NDUFS4: variants seen among roughly 807,000 people sequenced by gnomAD.
NDUFS4 encodes NADH dehydrogenase [ubiquinone] iron-sulfur protein 4, mitochondrial.
NDUFS4 carries 28 observed loss-of-function variants against 24.3 expected under a neutral mutation model. That is an observed-to-expected ratio of 1.15 (90% CI 0.85 to 1.58). NDUFS4 has a LOEUF of 1.58. Ranked by LOEUF, NDUFS4 falls within the 40% of genes most tolerant of loss-of-function variation. NDUFS4 has a pLI of 0.00. For missense variants in NDUFS4, 223 were observed against 207.9 expected (o/e 1.07, Z -0.45); for synonymous variants, 93 against 69.7 (o/e 1.34, Z -1.67).
At chr5:53,678,552 G>A (rs1740551239) in intron 4 of NDUFS4, among the ~76,000 whole-genome samples, 1 of 152,026 alleles carries the variant, frequency 6.6e-6, no homozygotes, top group South Asian at 2.1e-4. Context: ...ACAACATATG[G>A]GACCATTATG....
intron 1 of NDUFS4, among the ~76,000 whole-genome samples, chr5:53,569,412 G>T (rs530138149): frequency 6.6e-6 from 1 of 152,218 alleles, no homozygotes; most frequent in Admixed American, 6.5e-5. Context: ...GGCAGGCAAG[G>T]TTACCTTTTT....
In NDUFS4 at chr5:53,566,518, GA is replaced by G. The variant is rs1749031830; in HGVS notation, c.98+5761del. 2.0e-5 allele frequency among the ~76,000 whole-genome samples: 3 copies of G among 152,220 alleles called. No homozygotes were observed. In the South Asian group the frequency reaches 6.2e-4, roughly 32 times the overall value. On this transcript the variant is annotated intron_variant, in intron 1 of 4. Transcript: ENST00000296684. ...TTGTTATCCTCATTTTTCAGATGAG[GA>G]AACAGGTACAGAAGTGAAATTACTG...
intron 1 of NDUFS4, among the ~76,000 whole-genome samples, chr5:53,601,033 C>T (rs1296858068): frequency 7.7e-6 from 1 of 130,420 alleles, no homozygotes; most frequent in Non-Finnish European, 1.6e-5. Flanking sequence ...GAGACGGAGT[C>T]TTGCTCTGTC....
chr5:53,609,285 G>A (rs1465019547), intron 2 of NDUFS4, among the ~76,000 whole-genome samples: 5 of 152,148 alleles, frequency 3.3e-5, no homozygotes, highest in Non-Finnish European at 5.9e-5. Flanking sequence ...CTTGGTCCAC[G>A]GGCTGCAGAG....
intron 3 of NDUFS4, among the ~76,000 whole-genome samples, chr5:53,648,115 A>G (rs914674833): frequency 6.6e-6 from 1 of 152,204 alleles, no homozygotes; most frequent in African/African-American, 2.4e-5. Flanking sequence ...TGCTTTATCA[A>G]ACCACCTAGG....
At chr5:53,660,844 G>T (rs1349440929) in intron 4 of NDUFS4, among the ~76,000 whole-genome samples, 1 of 152,108 alleles carries the variant, frequency 6.6e-6, no homozygotes, top group Non-Finnish European at 1.5e-5. Flanking sequence ...TGTTGATGAG[G>T]TTCTTTGTTT....
intron 2 of NDUFS4, among the ~76,000 whole-genome samples, chr5:53,632,436 T>C (rs1751436201): frequency 6.6e-6 from 1 of 152,186 alleles, no homozygotes; most frequent in African/African-American, 2.4e-5. Context: ...TTGTTAGAAC[T>C]TCTCATTACT....
chr5:53,640,725 C>T (rs889499927), intron 2 of NDUFS4, among the ~76,000 whole-genome samples: 2 of 152,120 alleles, frequency 1.3e-5, no homozygotes, highest in Admixed American at 6.6e-5. Context: ...CGTTAGGCCC[C>T]ACTTCCAACA....
At chr5:53,640,922 G>A (rs572237513) in intron 2 of NDUFS4, among the ~76,000 whole-genome samples, 18 of 152,208 alleles carry the variant, frequency 1.2e-4, no homozygotes, top group Admixed American at 1.0e-3. Context: ...CTAAGGTTGA[G>A]ATGACAGAAT....
chr5:53,680,423 C>CAAAG (rs1201232343), intron 4 of NDUFS4, among the ~76,000 whole-genome samples: 1 of 152,120 alleles, frequency 6.6e-6, no homozygotes, highest in East Asian at 1.9e-4. Flanking sequence ...TTCACAATAG[C>CAAAG]AAAGACTTGG....
At chr5:53,589,984 C>A (rs554447335) in intron 1 of NDUFS4, among the ~76,000 whole-genome samples, 4 of 152,220 alleles carry the variant, frequency 2.6e-5, no homozygotes, top group Admixed American at 2.0e-4. Flanking sequence ...TTAATAAACT[C>A]CCTTGTTAGT....
At chr5:53,594,309 CTTG>C (rs1750064242) in intron 1 of NDUFS4, among the ~76,000 whole-genome samples, 2 of 152,030 alleles carry the variant, frequency 1.3e-5, no homozygotes, top group Admixed American at 6.6e-5. Context: ...GATAATTTTT[CTTG>C]TTCTGGAGTC....
intron 3 of NDUFS4, 145 bp from the exon 4 acceptor site, chr5:53,658,404 AAC>A: frequency 1.7e-6 from 1 of 603,796 alleles, no homozygotes. Flanking sequence ...TATTCCAACT[AAC>A]AGTTTTAAAG....
chr5:53,625,076 GC>G (rs1751174383), intron 2 of NDUFS4, among the ~76,000 whole-genome samples: 1 of 152,048 alleles, frequency 6.6e-6, no homozygotes, highest in Admixed American at 6.6e-5. Flanking sequence ...TTCCTGAGTA[GC>G]TGGGAATATA....
At chr5:53,570,659 T>C (rs965799951) in intron 1 of NDUFS4, among the ~76,000 whole-genome samples, 1 of 151,580 alleles carries the variant, frequency 6.6e-6, no homozygotes, top group Non-Finnish European at 1.5e-5. Context: ...GCATCCTTGT[T>C]AACATTTGTA....
chr5:53,644,908 T>C (rs1751814390), intron 2 of NDUFS4, among the ~76,000 whole-genome samples: 2 of 152,068 alleles, frequency 1.3e-5, no homozygotes, highest in Admixed American at 6.6e-5. Flanking sequence ...ATCTTGTGGA[T>C]AGAGATAATA....
In NDUFS4 at chr5:53,632,249, C is replaced by A. The variant is rs113116505; in HGVS notation, c.178-13984C>A. On this transcript the variant is annotated intron_variant, in intron 2 of 4. Coordinates refer to ENST00000296684, the MANE Select transcript of NDUFS4 (RefSeq NM_002495.4). ...TGGGAGCCTGGATTTTACTGTCTTC[C>A]TTTATACAGCATTTAGATTTGTTTC... Among the ~76,000 whole-genome samples, 1,238 of 152,292 alleles carry A rather than the reference C, an allele frequency of 8.1e-3. 10 individuals are homozygous for A. The highest frequency in any genetic ancestry group is 0.014 in the Non-Finnish European group (944 of 68,016).
intron 4 of NDUFS4, among the ~76,000 whole-genome samples, chr5:53,680,699 G>T (rs372592243): frequency 6.6e-6 from 1 of 151,918 alleles, no homozygotes; most frequent in Admixed American, 6.6e-5. Context: ...CTGTTGTGGG[G>T]TGGGGGGAGC....
At chr5:53,564,823 T>C (rs913754714) in intron 1 of NDUFS4, among the ~76,000 whole-genome samples, 1 of 152,176 alleles carries the variant, frequency 6.6e-6, no homozygotes, top group Non-Finnish European at 1.5e-5. Flanking sequence ...AGCCACCGTA[T>C]CCAGCCGGAA....
Sources: allele counts gnomAD v4.1 joint callset (sites outside exome capture counted in the v4.1 genomes callset), GRCh38; gene constraint gnomAD v4.1.1; transcripts MANE v1.5; gene names NCBI Gene and HGNC (gene_info 2026-07-23, HGNC 2026-07-21).